LIMCH1: variants seen among roughly 807,000 people sequenced by gnomAD.
The protein encoded by LIMCH1 is LIM and calponin homology domains 1, also known as LIM and calponin homology domains-containing protein 1.
Under a neutral mutation model 176.5 loss-of-function variants are expected in LIMCH1, and 113 were observed. The ratio of observed to expected loss-of-function variants is 0.64; its 90% CI spans 0.55 to 0.75. The LOEUF is 0.75. LIMCH1 is among the 30% of genes least tolerant of loss of function. LIMCH1 has a pLI of 0.00. For synonymous variants in LIMCH1, 619 were observed against 645.9 expected (o/e 0.96, Z 0.63); for missense variants, 1,674 against 1,814.9 (o/e 0.92, Z 1.41).
chr4:41,663,310 C>T (rs921363654), intron 20 of LIMCH1, among the ~76,000 whole-genome samples: 3 of 151,978 alleles, frequency 2.0e-5, no homozygotes, highest in East Asian at 1.9e-4. Flanking sequence ...TCTGCCACCA[C>T]GCCCAGCTAA....
At chr4:41,578,793 C>G (rs571355904) in intron 1 of LIMCH1, among the ~76,000 whole-genome samples, 2 of 152,046 alleles carry the variant, frequency 1.3e-5, no homozygotes, top group East Asian at 3.9e-4. Flanking sequence ...AGTCATAGCT[C>G]CCTGTAGCCT....
At chr4:41,645,654 A>G (rs902967839) in intron 15 of LIMCH1, among the ~76,000 whole-genome samples, 6 of 152,226 alleles carry the variant, frequency 3.9e-5, no homozygotes, top group African/African-American at 1.4e-4. Flanking sequence ...ATGAATTAAT[A>G]CATATAGAAT....
At chr4:41,482,302 A>T (rs986514419) in intron 1 of LIMCH1, among the ~76,000 whole-genome samples, 1 of 152,182 alleles carries the variant, frequency 6.6e-6, no homozygotes, top group Non-Finnish European at 1.5e-5. Flanking sequence ...ATAGGATTGG[A>T]TGCGACTACC....
chr4:41,449,449 T>G (rs1012500606), intron 1 of LIMCH1, among the ~76,000 whole-genome samples: 5 of 152,208 alleles, frequency 3.3e-5, no homozygotes, highest in Admixed American at 2.0e-4. Flanking sequence ...AACAATATAT[T>G]TATTTGTTTG....
rs191777392 is a variant in LIMCH1 at position 41,510,138 on chromosome 4, T to G, written c.168-14271T>G. Among the ~76,000 whole-genome samples the G allele has an allele frequency of 4.1e-3, 621 of 150,010 alleles. 5 individuals are homozygous for G. Among genetic ancestry groups the G allele is most frequent in the African/African-American group, 0.014 (573 of 40,714 alleles). ...AGCAGAATTGTCACTTGGAACCACT[T>G]CCCTCAACATGTGGCAATTCCCTCA... On this transcript the variant is annotated intron_variant, in intron 2 of 26. Transcript: ENST00000313860.
intron 1 of LIMCH1, among the ~76,000 whole-genome samples, chr4:41,447,089 G>A (rs893006942): frequency 1.3e-5 from 2 of 152,136 alleles, no homozygotes; most frequent in Non-Finnish European, 2.9e-5. Flanking sequence ...AATTAGCTGG[G>A]CATGGTGGCA....
chr4:41,694,380 G>C (rs888412959), intron 31 of LIMCH1, among the ~76,000 whole-genome samples: 8 of 152,156 alleles, frequency 5.3e-5, no homozygotes, highest in African/African-American at 1.9e-4. Context: ...GTTTGTACAT[G>C]TGTATGCACA....
At chr4:41,656,196 A>G (rs1004463104) in intron 18 of LIMCH1, among the ~76,000 whole-genome samples, 1 of 152,230 alleles carries the variant, frequency 6.6e-6, no homozygotes, top group African/African-American at 2.4e-5. Context: ...TTTCTGATCC[A>G]GGAAAACAGA....
At chr4:41,515,789 A>G (rs1053244327) in intron 2 of LIMCH1, among the ~76,000 whole-genome samples, 1 of 151,900 alleles carries the variant, frequency 6.6e-6, no homozygotes, top group Non-Finnish European at 1.5e-5. Context: ...CAATCCTGGA[A>G]CTCTTTGTTC....
rs181406477 is a variant in LIMCH1 at position 41,606,041 on chromosome 4, G to T, written c.9+37G>T. The T allele has an allele frequency of 1.6e-3, 2,279 of 1,402,966 alleles. 5 individuals are homozygous for T. The highest frequency in any genetic ancestry group is 2.1e-3 in the Non-Finnish European group (2,059 of 990,520). 86.9% of individuals were successfully genotyped at this position (1,402,966 alleles called of 1,614,324 possible). ...TTTCTTCTTTATCCCATAAGCGTTA[G>T]ACAAGGTGGGAAAGCTACACATTTG... On this transcript the variant is annotated intron_variant, in intron 4 of 31. Coordinates refer to ENST00000503057, the MANE Select transcript of LIMCH1 (RefSeq NM_001330672.2).
intron 1 of LIMCH1, among the ~76,000 whole-genome samples, chr4:41,547,913 A>AC (rs1164796182): frequency 2.2e-5 from 3 of 138,188 alleles, no homozygotes; most frequent in African/African-American, 7.9e-5. Context: ...TGAGTACATT[A>AC]CCTAGTGCAT....
At chr4:41,536,219 A>T (rs1048222182), upstream of LIMCH1, among the ~76,000 whole-genome samples, 1 of 152,364 alleles carries the variant, frequency 6.6e-6, no homozygotes, top group South Asian at 2.1e-4. Context: ...CAGGAAAAAA[A>T]TACCACCAAA....
intron 30 of LIMCH1, among the ~76,000 whole-genome samples, chr4:41,691,585 AAAAATAC>A (rs1725718429): frequency 6.9e-6 from 1 of 145,506 alleles, no homozygotes; most frequent in East Asian, 2.0e-4. Flanking sequence ...CATCTTTACT[AAAAATAC>A]AAAAAAAAAA....
Position 41,631,201 on chromosome 4 carries a change from C to T in LIMCH1, c.1325C>T (p.Ala442Val). The T allele has an allele frequency of 6.5e-7, 1 of 1,535,838 alleles. No homozygotes were observed. Among genetic ancestry groups the T allele is most frequent in the Non-Finnish European group, 8.7e-7 (1 of 1,146,856 alleles). The stretch of plus-strand genomic sequence containing the variant: ...TCTGAGCCTTCCCCAGAAATTAAAG[C>T]AGAAACTGCCATTCGTGATGACTTT... ...CASEPSPEIK[A>V]ETAIRDDFAN... The change falls in exon 10 of 32, where the codon GCA becomes GTA. Residue 442 changes from alanine (A) to valine (V), a missense_variant. Coordinates refer to ENST00000503057, the MANE Select transcript of LIMCH1 (RefSeq NM_001330672.2).
At chr4:41,463,083 A>G (rs1159960288) in intron 1 of LIMCH1, among the ~76,000 whole-genome samples, 1 of 151,286 alleles carries the variant, frequency 6.6e-6, no homozygotes, top group African/African-American at 2.4e-5. Flanking sequence ...TATTTAACCA[A>G]TTGTCTTCTG....
At chr4:41,432,393 C>G (rs1308020767) in intron 1 of LIMCH1, among the ~76,000 whole-genome samples, 3 of 152,172 alleles carry the variant, frequency 2.0e-5, no homozygotes, top group Non-Finnish European at 4.4e-5. Flanking sequence ...TAACTCTTTA[C>G]GTATAACGTC....
At chr4:41,465,476 C>T (rs930352238) in intron 1 of LIMCH1, among the ~76,000 whole-genome samples, 3 of 152,210 alleles carry the variant, frequency 2.0e-5, no homozygotes, top group African/African-American at 7.2e-5. Flanking sequence ...ACCTCTTCTC[C>T]TCCAGTGTGG....
intron 1 of LIMCH1, among the ~76,000 whole-genome samples, chr4:41,461,357 G>A (rs1016322122): frequency 6.6e-6 from 1 of 152,138 alleles, no homozygotes; most frequent in Non-Finnish European, 1.5e-5. Context: ...TTATTTCTTC[G>A]ATTGCTTAAA....
At chr4:41,644,400 CA>C (rs1156954018) in intron 14 of LIMCH1, 99 bp from the exon 15 acceptor site, 1 of 1,378,070 alleles carries the variant, frequency 7.3e-7, no homozygotes, top group African/African-American at 1.5e-5. Context: ...GGCAGTTTTC[CA>C]AGCCCGGTAG....
Sources: gnomAD v4.1 joint callset for allele counts (sites outside exome capture counted in the v4.1 genomes callset) on GRCh38, gnomAD v4.1.1 for gene constraint, MANE v1.5 for transcripts, NCBI Gene and HGNC (gene_info 2026-07-23, HGNC 2026-07-21) for gene names.